Variants in OPRD1 observed in about 807,000 individuals in gnomAD.
The protein encoded by OPRD1 is opioid receptor delta 1.
In OPRD1, 19 loss-of-function variants were observed where a neutral mutation model predicts 17.5. The observed-to-expected ratio is 1.09, with a 90% CI of 0.76 to 1.60. The LOEUF (loss-of-function observed/expected upper bound fraction) is 1.60. OPRD1 is among the 40% of genes most tolerant of loss of function. The pLI is 0.00. For missense variants in OPRD1, 483 were observed against 547.2 expected, an observed-to-expected ratio of 0.88 and a Z score of 1.17; for synonymous variants, 256 against 240.9, an observed-to-expected ratio of 1.06 and a Z score of -0.58.
chr1:28,812,531 A>G lies in OPRD1; in HGVS notation c.148A>G (p.Ile50Val). The G allele has an allele frequency of 3.2e-6, 5 of 1,583,068 alleles. No homozygotes were observed. Among genetic ancestry groups the G allele is most frequent in the Non-Finnish European group, 4.3e-6 (5 of 1,171,936 alleles). ...GAGCGCCTCGTCCCTCGCCCTGGCAATCGCCATCACCGCGCTCTACTCGGC... is the reference window on the plus strand; with the variant it reads ...GAGCGCCTCGTCCCTCGCCCTGGCAGTCGCCATCACCGCGCTCTACTCGGC... ...ARSASSLALA[I>V]AITALYSAVC... Residue 50 changes from isoleucine to valine, a missense_variant, in exon 1 of 3, where the codon ATC becomes GTC. Transcript: ENST00000234961.
chr1:28,818,152 G>A (rs2124257787), intron 1 of OPRD1, among the ~76,000 whole-genome samples: 1 of 152,356 alleles, frequency 6.6e-6, no homozygotes, highest in South Asian at 2.1e-4. Flanking sequence ...CTGCAGGTGG[G>A]CAGAGTGCAG....
intron 1 of OPRD1, among the ~76,000 whole-genome samples, chr1:28,818,523 A>T (rs552435274): frequency 6.6e-6 from 1 of 152,278 alleles, no homozygotes; most frequent in East Asian, 1.9e-4. Flanking sequence ...AGCATTCCAG[A>T]TAGAGGGAAC....
chr1:28,816,190 C>T (rs565026046), intron 1 of OPRD1, among the ~76,000 whole-genome samples: 5 of 152,250 alleles, frequency 3.3e-5, no homozygotes, highest in Admixed American at 6.5e-5. Flanking sequence ...CCAGACCTTC[C>T]GGAGCTTAGG....
At chr1:28,841,908 G>A (rs901434151) in intron 1 of OPRD1, among the ~76,000 whole-genome samples, 6 of 150,014 alleles carry the variant, frequency 4.0e-5, no homozygotes, top group East Asian at 2.0e-4. Context: ...ATTTTTAGTG[G>A]AGATGGGCTT....
intron 1 of OPRD1, among the ~76,000 whole-genome samples, chr1:28,814,116 TC>T (rs36018454): frequency 1.3e-5 from 2 of 151,660 alleles, no homozygotes; most frequent in Admixed American, 1.3e-4. Flanking sequence ...GTGGGAGAAT[TC>T]CCCCCAAGCA....
chr1:28,813,529 T>C lies in OPRD1; in HGVS notation c.227+919T>C, dbSNP rs912408480. The stretch of plus-strand genomic sequence containing the variant: ...ATCCCAGGAAGTGAGGTGCTCTTCT[T>C]GGAGTTTATGGAGAGTGCTGGGACC... On this transcript the variant is annotated intron_variant, in intron 1 of 2. Transcript: ENST00000234961. Among the ~76,000 whole-genome samples, 80 of 152,124 alleles carry C rather than the reference T, an allele frequency of 5.3e-4. 2 individuals are homozygous for C. Among genetic ancestry groups the C allele is most frequent in the African/African-American group, 1.9e-3 (78 of 41,440 alleles).
At chr1:28,816,901 C>G (rs543972654) in intron 1 of OPRD1, among the ~76,000 whole-genome samples, 1 of 152,088 alleles carries the variant, frequency 6.6e-6, no homozygotes, top group Non-Finnish European at 1.5e-5. Context: ...ACCCCCTCTT[C>G]CTCCCGCCTG....
At chr1:28,837,516 C>T (rs1024662869) in intron 1 of OPRD1, among the ~76,000 whole-genome samples, 10 of 151,666 alleles carry the variant, frequency 6.6e-5, no homozygotes, top group Middle Eastern at 3.5e-3. Context: ...GGCATGGTGG[C>T]GTGCACCTGT....
chr1:28,860,177 C>T lies in OPRD1; in HGVS notation c.577+874C>T, dbSNP rs149191874. 3.9e-3 allele frequency among the ~76,000 whole-genome samples: 596 copies of T among 152,208 alleles called. 5 individuals are homozygous for T. Among genetic ancestry groups the T allele is most frequent in the African/African-American group, 0.013 (541 of 41,528 alleles). ...GTCAGGAGTTCCAGACCAGCCTGGCCAACACGGTGAAACCCTATCTTTACT... is the reference window on the plus strand; with the variant it reads ...GTCAGGAGTTCCAGACCAGCCTGGCTAACACGGTGAAACCCTATCTTTACT... On this transcript the variant is annotated intron_variant, in intron 2 of 2. Coordinates refer to ENST00000234961, the MANE Select transcript of OPRD1 (RefSeq NM_000911.4).
chr1:28,847,043 T>TTCCCCTTTCCTC (rs2088960125), intron 1 of OPRD1, among the ~76,000 whole-genome samples: 1 of 61,836 alleles, frequency 1.6e-5, no homozygotes, highest in African/African-American at 4.0e-5. Context: ...CCCCTTTCCT[T>TTCCCCTTTCCTC]TCCCCTTTCC....
intron 1 of OPRD1, among the ~76,000 whole-genome samples, chr1:28,855,817 C>A (rs78436764): frequency 2.6e-5 from 4 of 152,358 alleles, no homozygotes; most frequent in East Asian, 3.9e-4. Context: ...TGATCCCACA[C>A]CCCACTGAAG....
intron 2 of OPRD1, among the ~76,000 whole-genome samples, chr1:28,862,144 C>T (rs1372458196): frequency 2.0e-5 from 3 of 151,380 alleles, no homozygotes; most frequent in Non-Finnish European, 4.4e-5. Context: ...GTCTCGATTT[C>T]CTGACCTCAT....
At chr1:28,832,718 C>T (rs912401105) in intron 1 of OPRD1, among the ~76,000 whole-genome samples, 4 of 152,104 alleles carry the variant, frequency 2.6e-5, no homozygotes, top group Non-Finnish European at 2.9e-5. Flanking sequence ...ATTCTACACT[C>T]CTGGATGAGC....
chr1:28,840,066 A>G (rs204051), intron 1 of OPRD1, among the ~76,000 whole-genome samples: 138,493 of 152,272 alleles, frequency 0.91, 63,219 homozygotes, highest in East Asian at 1. Context: ...GCTGGGTGCT[A>G]GGTCCTGGGA....
intron 1 of OPRD1, among the ~76,000 whole-genome samples, chr1:28,824,588 G>T (rs750785958): frequency 7.9e-5 from 12 of 151,954 alleles, no homozygotes; most frequent in Non-Finnish European, 1.6e-4. Context: ...AAAGTGCTGG[G>T]ATTACAGGCG....
At chr1:28,852,557 C>A (rs1013675493) in intron 1 of OPRD1, among the ~76,000 whole-genome samples, 2 of 152,130 alleles carry the variant, frequency 1.3e-5, no homozygotes. Context: ...GTAGTCCCAG[C>A]CACTCAGGAG....
intron 1 of OPRD1, among the ~76,000 whole-genome samples, chr1:28,850,783 A>T (rs957824712): frequency 2.9e-5 from 4 of 135,908 alleles, no homozygotes; most frequent in Non-Finnish European, 6.2e-5. Context: ...ATCTGTCTCA[A>T]AATAATAATA....
chr1:28,826,497 G>C (rs548950407), intron 1 of OPRD1, among the ~76,000 whole-genome samples: 19 of 151,666 alleles, frequency 1.3e-4, no homozygotes, highest in Non-Finnish European at 2.5e-4. Flanking sequence ...GCCTGGGTGA[G>C]AGAGCCAGAC....
At chr1:28,848,690 G>T (rs1343951559) in intron 1 of OPRD1, among the ~76,000 whole-genome samples, 1 of 152,174 alleles carries the variant, frequency 6.6e-6, no homozygotes, top group East Asian at 1.9e-4. Context: ...GAGAGGTGGG[G>T]AAGGAAGGAA....
Sources: allele counts gnomAD v4.1 joint callset (sites outside exome capture counted in the v4.1 genomes callset), GRCh38; gene constraint gnomAD v4.1.1; transcripts MANE v1.5; gene names NCBI Gene and HGNC (gene_info 2026-07-23, HGNC 2026-07-21).